Variants in KIF6 observed in about 807,000 individuals in gnomAD.
KIF6 encodes kinesin-like protein KIF6.
Under a neutral mutation model 112.7 loss-of-function variants are expected in KIF6, and 106 were observed. The observed-to-expected ratio is 0.94, with a 90% CI of 0.80 to 1.11. KIF6 has a LOEUF of 1.11. Among genes scored for constraint, KIF6 ranks in the 50% least tolerant of loss-of-function variants. The pLI is 0.00. For synonymous variants in KIF6, 339 were observed against 339.9 expected (o/e 1.00, Z 0.03); for missense variants, 929 against 964.0 (o/e 0.96, Z 0.48).
At chr6:39,412,977 A>AG (rs1194307120) in intron 15 of KIF6, among the ~76,000 whole-genome samples, 2 of 151,506 alleles carry the variant, frequency 1.3e-5, no homozygotes, top group Non-Finnish European at 2.9e-5. Context: ...TTTGGAAAAA[A>AG]AAAATCTGAT....
At chr6:39,616,177 A>G (rs1783508160) in intron 5 of KIF6, among the ~76,000 whole-genome samples, 1 of 152,212 alleles carries the variant, frequency 6.6e-6, no homozygotes, top group Non-Finnish European at 1.5e-5. Flanking sequence ...AAAAGTGTTA[A>G]ATGTCATCAG....
At chr6:39,455,887 C>A (rs1243221153) in intron 13 of KIF6, among the ~76,000 whole-genome samples, 1 of 117,742 alleles carries the variant, frequency 8.5e-6, no homozygotes, top group Admixed American at 9.3e-5. Flanking sequence ...ACCAAATCTA[C>A]GTCTGATTGG....
intron 13 of KIF6, among the ~76,000 whole-genome samples, chr6:39,457,988 A>T (rs1474158036): frequency 6.6e-6 from 1 of 151,046 alleles, no homozygotes; most frequent in Non-Finnish European, 1.5e-5. Context: ...TCCAATCAAT[A>T]GAAAAAGAGG....
chr6:39,702,913 G>T (rs1195444066), intron 3 of KIF6, among the ~76,000 whole-genome samples: 1 of 151,432 alleles, frequency 6.6e-6, no homozygotes, highest in Non-Finnish European at 1.5e-5. Flanking sequence ...GCAAAAATTT[G>T]ACAGAGCATG....
intron 21 of KIF6, 101 bp downstream of exon 21, chr6:39,345,599 G>T: frequency 1.1e-6 from 1 of 894,238 alleles, no homozygotes. Flanking sequence ...TGTCTGTGTG[G>T]CTACTGGACG....
chr6:39,523,245 G>A (rs562359911), intron 13 of KIF6, among the ~76,000 whole-genome samples: 15 of 152,032 alleles, frequency 9.9e-5, no homozygotes, highest in African/African-American at 3.4e-4. Flanking sequence ...TGGCTTGGTC[G>A]AGGTCCTTAT....
chr6:39,536,205 A>T (rs949775543), intron 13 of KIF6, among the ~76,000 whole-genome samples: 235 of 152,116 alleles, frequency 1.5e-3, no homozygotes, highest in African/African-American at 5.4e-3. Context: ...GCAAGAAATA[A>T]CTAAAATCAG....
intron 13 of KIF6, among the ~76,000 whole-genome samples, chr6:39,451,749 T>A (rs1007905643): frequency 5.9e-5 from 9 of 152,092 alleles, no homozygotes; most frequent in Non-Finnish European, 1.2e-4. Flanking sequence ...GGCTGTGAAA[T>A]GCATGCAGGG....
At chr6:39,456,373 C>T (rs1357821395) in intron 13 of KIF6, among the ~76,000 whole-genome samples, 4 of 124,658 alleles carry the variant, frequency 3.2e-5, no homozygotes, top group Non-Finnish European at 6.7e-5. Flanking sequence ...GAAGGAAGCG[C>T]TAAACATGGA....
At chr6:39,656,613 C>T (rs1422027911) in intron 3 of KIF6, among the ~76,000 whole-genome samples, 4 of 152,158 alleles carry the variant, frequency 2.6e-5, no homozygotes. Flanking sequence ...GTCTACAGTA[C>T]CCAAAAGATT....
chr6:39,630,097 T>C (rs775234281), intron 5 of KIF6, among the ~76,000 whole-genome samples: 1 of 152,106 alleles, frequency 6.6e-6, no homozygotes, highest in Non-Finnish European at 1.5e-5. Context: ...CTTTATAGTA[T>C]GTCTTGAAGT....
intron 12 of KIF6, 89 bp downstream of exon 12, chr6:39,544,466 G>A (rs1270014525): frequency 3.7e-6 from 5 of 1,351,474 alleles, no homozygotes; most frequent in Middle Eastern, 1.9e-4. Context: ...GCTGGGTGGG[G>A]AGCTCAGCCA....
chr6:39,565,338 G>T (rs1780225197), intron 10 of KIF6, among the ~76,000 whole-genome samples: 1 of 150,146 alleles, frequency 6.7e-6, no homozygotes, highest in African/African-American at 2.4e-5. Flanking sequence ...GTCTTTCTAG[G>T]CAGGCACCAG....
intron 3 of KIF6, among the ~76,000 whole-genome samples, chr6:39,680,422 T>G (rs302561): frequency 0.89 from 134,845 of 152,228 alleles, 60,293 homozygotes; most frequent in East Asian, 0.97. Flanking sequence ...TCAGTGACTA[T>G]GCACTGACTG....
chr6:39,533,397 T>G (rs970608088), intron 13 of KIF6, among the ~76,000 whole-genome samples: 1 of 151,964 alleles, frequency 6.6e-6, no homozygotes, highest in African/African-American at 2.4e-5. Flanking sequence ...ACCCACAGAG[T>G]CTCGCTGATT....
chr6:39,465,051 C>T (rs1257070865), intron 13 of KIF6, among the ~76,000 whole-genome samples: 2 of 152,284 alleles, frequency 1.3e-5, no homozygotes, highest in Admixed American at 1.3e-4. Flanking sequence ...CCTAGTAGCC[C>T]ACTTTTCCAA....
At chr6:39,416,070 G>C (rs1769898116) in intron 15 of KIF6, among the ~76,000 whole-genome samples, 1 of 152,228 alleles carries the variant, frequency 6.6e-6, no homozygotes, top group Non-Finnish European at 1.5e-5. Context: ...GGAGGGGTCT[G>C]TGGAGGGATG....
At chr6:39,624,745 AG>A (rs1467454217) in intron 5 of KIF6, among the ~76,000 whole-genome samples, 8 of 152,184 alleles carry the variant, frequency 5.3e-5, no homozygotes, top group African/African-American at 1.9e-4. Context: ...TGTCACTAAA[AG>A]CTCTAAATAT....
At chr6:39,656,306 C>T (rs1380813486) in intron 3 of KIF6, among the ~76,000 whole-genome samples, 1 of 152,154 alleles carries the variant, frequency 6.6e-6, no homozygotes, top group Admixed American at 6.5e-5. Context: ...ATGTGTGCTA[C>T]CTACCTATAC....
Sources: allele counts gnomAD v4.1 joint callset (sites outside exome capture counted in the v4.1 genomes callset), GRCh38; gene constraint gnomAD v4.1.1; transcripts MANE v1.5; gene names NCBI Gene and HGNC (gene_info 2026-07-23, HGNC 2026-07-21).